The following GPC5 variants were observed in gnomAD, a reference collection of about 807,000 sequenced individuals.
The protein encoded by GPC5 is glypican 5, also known as glypican-5.
A neutral mutation model predicts 53.9 loss-of-function variants in GPC5; 47 were observed. The observed-to-expected ratio is 0.87, with a 90% CI of 0.69 to 1.11. The LOEUF is 1.11. Among genes scored for constraint, GPC5 ranks in the 50% most tolerant of loss-of-function variants. The pLI is 0.00. For synonymous variants in GPC5, 286 were observed against 263.3 expected (o/e 1.09, Z -0.84); for missense variants, 748 against 713.1 (o/e 1.05, Z -0.56).
chr13:91,938,087 CT>C (rs1466543147), intron 6 of GPC5, among the ~76,000 whole-genome samples: 7 of 152,022 alleles, frequency 4.6e-5, no homozygotes, highest in Non-Finnish European at 5.9e-5. Context: ...GCTCAGAGAT[CT>C]ATACTAAGTG....
chr13:92,613,727 A>T (rs115956002), intron 7 of GPC5, among the ~76,000 whole-genome samples: 71 of 144,758 alleles, frequency 4.9e-4, no homozygotes, highest in African/African-American at 1.7e-3. Context: ...GCATGGTGGT[A>T]CATGCGTATA....
intron 7 of GPC5, among the ~76,000 whole-genome samples, chr13:92,632,992 G>A (rs960170159): frequency 6.6e-6 from 1 of 152,142 alleles, no homozygotes; most frequent in African/African-American, 2.4e-5. Flanking sequence ...CGGGGTTCAA[G>A]CGGTTCTCCT....
intron 7 of GPC5, among the ~76,000 whole-genome samples, chr13:92,201,772 A>C (rs916724134): frequency 6.6e-6 from 1 of 152,206 alleles, no homozygotes; most frequent in Non-Finnish European, 1.5e-5. Context: ...ATTATGTAGA[A>C]TTAGTATTAA....
rs2039566577 is a variant in GPC5, at chr13:91,907,503, T to TA, written c.1281-434_1281-433insA. ...GGCTACTCTCTCTCTCTCTCTCTCT[T>TA]TATATATATATATATATATATAGTA... is the stretch of plus-strand genomic sequence containing the variant. On this transcript the variant is annotated intron_variant, in intron 5 of 7. Coordinates refer to ENST00000377067, the MANE Select transcript of GPC5 (RefSeq NM_004466.6). Among the ~76,000 whole-genome samples the TA allele has an allele frequency of 2.9e-3, 374 of 129,538 alleles. 2 individuals carry two copies. The highest frequency in any genetic ancestry group is 4.3e-3 in the Middle Eastern group (1 of 232). 85.0% of individuals were successfully genotyped at this position (129,538 alleles called of 152,430 possible). A position where few individuals can be genotyped will look rare whatever the true frequency, so the allele number is the denominator to read the frequency against.
intron 7 of GPC5, among the ~76,000 whole-genome samples, chr13:92,582,317 T>A (rs985641027): frequency 1.3e-5 from 2 of 152,076 alleles, no homozygotes; most frequent in South Asian, 4.1e-4. Context: ...TTCCCCATTG[T>A]GTGTTTTTGG....
chr13:92,202,617 T>C (rs1355194511), intron 7 of GPC5, among the ~76,000 whole-genome samples: 1 of 152,168 alleles, frequency 6.6e-6, no homozygotes, highest in Non-Finnish European at 1.5e-5. Context: ...GTAATCTTTC[T>C]CAGAGGCCAC....
In GPC5 at chr13:92,866,300, A is replaced by T; in HGVS notation, c.1580A>T (p.Asn527Ile). The T allele has an allele frequency of 6.2e-7, 1 of 1,610,812 alleles. No individual in the cohort carries two copies. The highest frequency in any genetic ancestry group is 1.1e-5 in the South Asian group (1 of 90,778). Residue 527 changes from asparagine to isoleucine, a missense_variant, in exon 8 of 8, where the codon AAC (asparagine) becomes ATC (isoleucine). Asn to Ile is a moderately radical substitution (Grantham distance 149). Transcript: ENST00000377067. ...KITDWMPDDM[N>I]FSDVKQIHQT... Reference sequence around the variant, plus strand: ...TCTACAGGGATGCCAGATGATATGAACTTCAGTGATGTAAAGCAAATCCAT... The same window carrying T: ...TCTACAGGGATGCCAGATGATATGATCTTCAGTGATGTAAAGCAAATCCAT...
intron 2 of GPC5, among the ~76,000 whole-genome samples, chr13:91,629,925 A>T (rs934686405): frequency 4.6e-5 from 7 of 152,106 alleles, no homozygotes; most frequent in African/African-American, 2.4e-5. Context: ...AAAGGCTGGG[A>T]TGTATGTTTT....
chr13:92,607,064 G>A (rs1884281796), intron 7 of GPC5, among the ~76,000 whole-genome samples: 1 of 152,090 alleles, frequency 6.6e-6, no homozygotes, highest in African/African-American at 2.4e-5. Context: ...GACTTTGTAT[G>A]TAGATTTGAT....
At chr13:91,502,744 A>G (rs1566456587) in intron 2 of GPC5, among the ~76,000 whole-genome samples, 1 of 152,232 alleles carries the variant, frequency 6.6e-6, no homozygotes, top group Non-Finnish European at 1.5e-5. Context: ...CATGGCAGGT[A>G]ATGTGCTGGT....
intron 2 of GPC5, among the ~76,000 whole-genome samples, chr13:91,572,223 A>G (rs556284144): frequency 6.2e-5 from 9 of 145,108 alleles, no homozygotes; most frequent in Non-Finnish European, 1.2e-4. Context: ...GTATATATAT[A>G]CACATATGTA....
At chr13:92,730,818 A>C (rs866138349) in intron 7 of GPC5, among the ~76,000 whole-genome samples, 1 of 151,434 alleles carries the variant, frequency 6.6e-6, no homozygotes, top group Non-Finnish European at 1.5e-5. Flanking sequence ...ATAGAACTGA[A>C]ACGTTCAACT....
intron 7 of GPC5, among the ~76,000 whole-genome samples, chr13:92,638,950 G>A (rs9516105): frequency 0.34 from 52,103 of 151,954 alleles, 10,130 homozygotes; most frequent in Non-Finnish European, 0.45. Context: ...TCATTTTATA[G>A]TAATTATAGT....
rs1440395882 is a variant in GPC5 at position 92,004,489 on chromosome 13, T to TATATATAA, written c.1401+96433_1401+96434insTATATAAA. Reference sequence around the variant, plus strand: ...ATATATATATATATATATATATATATAATTACACTATAGCTTTTCATGCAA... The same window carrying TATATATAA: ...ATATATATATATATATATATATATATATATATAAAATTACACTATAGCTTTTCATGCAA... On this transcript the variant is annotated intron_variant, in intron 6 of 7. Coordinates refer to ENST00000377067, the MANE Select transcript of GPC5 (RefSeq NM_004466.6). Among the ~76,000 whole-genome samples the TATATATAA allele has an allele frequency of 7.7e-4, 94 of 122,706 alleles. 3 individuals are homozygous for TATATATAA. Among genetic ancestry groups the TATATATAA allele is most frequent in the African/African-American group, 3.1e-3 (88 of 28,806 alleles). The allele number at this position is 122,706 out of a possible 152,430, so 80.5% of individuals were successfully genotyped here.
At chr13:92,546,325 A>T (rs1882109939) in intron 7 of GPC5, among the ~76,000 whole-genome samples, 2 of 152,214 alleles carry the variant, frequency 1.3e-5, no homozygotes, top group South Asian at 4.1e-4. Context: ...AAGTCTCAGG[A>T]TAAAAAAATC....
At chr13:92,454,370 G>A (rs1309100350) in intron 7 of GPC5, among the ~76,000 whole-genome samples, 1 of 151,936 alleles carries the variant, frequency 6.6e-6, no homozygotes, top group Non-Finnish European at 1.5e-5. Context: ...CCATTGTATT[G>A]CTTATCTGTA....
intron 5 of GPC5, among the ~76,000 whole-genome samples, chr13:91,861,727 C>A (rs376552462): frequency 1.3e-5 from 1 of 77,838 alleles, no homozygotes; most frequent in Non-Finnish European, 3.5e-5. Flanking sequence ...CATGTTGCTA[C>A]TTTTTAAAAC....
intron 7 of GPC5, among the ~76,000 whole-genome samples, chr13:92,279,611 T>A (rs562977929): frequency 1.5e-4 from 23 of 151,966 alleles, no homozygotes; most frequent in African/African-American, 2.2e-4. Flanking sequence ...TGGGTATTTT[T>A]TTATTATTAT....
chr13:92,210,041 A>C (rs962667391), intron 7 of GPC5, among the ~76,000 whole-genome samples: 1 of 152,134 alleles, frequency 6.6e-6, no homozygotes, highest in Non-Finnish European at 1.5e-5. Context: ...CCATGCTGGC[A>C]GCTGATTAGA....
Sources: gnomAD v4.1 joint callset for allele counts (sites outside exome capture counted in the v4.1 genomes callset) on GRCh38, gnomAD v4.1.1 for gene constraint, MANE v1.5 for transcripts, NCBI Gene and HGNC (gene_info 2026-07-23, HGNC 2026-07-21) for gene names.